TMEM59: variants seen among roughly 807,000 people sequenced by gnomAD.
TMEM59 encodes the protein dendritic cell factor 1.
In TMEM59, 44 loss-of-function variants were observed where a neutral mutation model predicts 42.2. The ratio of observed to expected loss-of-function variants is 1.04; its 90% CI spans 0.82 to 1.34. The LOEUF (loss-of-function observed/expected upper bound fraction) is 1.34. TMEM59 is among the 40% of genes most tolerant of loss of function. The pLI, the probability that TMEM59 is intolerant of heterozygous loss-of-function variation, is 0.00. For missense variants in TMEM59, 359 were observed against 382.8 expected, an observed-to-expected ratio of 0.94 and a Z score of 0.52; for synonymous variants, 148 against 145.8, an observed-to-expected ratio of 1.02 and a Z score of -0.11.
intron 7 of TMEM59, among the ~76,000 whole-genome samples, chr1:54,035,773 C>T (rs1656924734): frequency 6.6e-6 from 1 of 152,044 alleles, no homozygotes. Context: ...CCACCATACC[C>T]AGATAATTTT....
In TMEM59 at chr1:54,028,290, T is replaced by G. The variant is rs927312593; in HGVS notation, c.*3860A>C. ...CGTTATAGAGAAAAGTTTAAAAATA[T>G]AAGTAAAATGAAATAGTATTCTTGG... On this transcript the variant is annotated 3_prime_UTR_variant, in exon 8 of 8. Coordinates refer to ENST00000234831, the MANE Select transcript of TMEM59 (RefSeq NM_004872.5). 1.3e-5 allele frequency: 2 copies of G among 152,186 alleles called. No individual in the cohort carries two copies. Among genetic ancestry groups the G allele is most frequent in the Non-Finnish European group, 2.9e-5 (2 of 68,046 alleles). 9.4% of individuals were successfully genotyped at this position (152,186 alleles called of 1,614,324 possible). A position where few individuals can be genotyped will look rare whatever the true frequency, so the allele number is the denominator to read the frequency against.
Position 54,052,987 on chromosome 1 carries a change from G to A in TMEM59, c.189+13C>T, listed in dbSNP as rs1257187783. 7.5e-6 allele frequency: 12 copies of A among 1,603,180 alleles called. No individual in the cohort carries two copies. Among genetic ancestry groups the A allele is most frequent in the African/African-American group, 1.3e-5 (1 of 74,718 alleles). ...CAAGGGAAGGGTCGCAGCCCGCTCC[G>A]GACGGGCCCTACCTTAGGGTAGGTG... On this transcript the variant is annotated intron_variant, in intron 1 of 7. Transcript: ENST00000234831.
intron 1 of TMEM59, chr1:54,048,700 T>C (rs920545883): frequency 2.0e-5 from 9 of 453,846 alleles, no homozygotes; most frequent in African/African-American, 1.8e-4. Flanking sequence ...GGAAACAGCA[T>C]GTGCATATAC....
chr1:54,042,253 T>C (rs937705200), intron 4 of TMEM59, among the ~76,000 whole-genome samples: 9 of 152,168 alleles, frequency 5.9e-5, no homozygotes, highest in African/African-American at 4.8e-5. Context: ...GAGGAATCCA[T>C]AAATTACAGC....
In TMEM59 at chr1:54,029,058, TG is replaced by T. The variant is rs1656687650; in HGVS notation, c.*3091del. On this transcript the variant is annotated 3_prime_UTR_variant, in exon 8 of 8. Transcript: ENST00000234831. Reference sequence around the variant, plus strand: ...ATCTTTAAAAAACTTGTAACAAAAATGGCTCATTTATCTAAGACAAATCCAG... The same window carrying T: ...ATCTTTAAAAAACTTGTAACAAAAATGCTCATTTATCTAAGACAAATCCAG... 6.6e-6 allele frequency: 1 copy of T among 152,194 alleles called. No individual in the cohort carries two copies. Among genetic ancestry groups the T allele is most frequent in the Non-Finnish European group, 1.5e-5 (1 of 68,032 alleles). 9.4% of individuals were successfully genotyped at this position (152,194 alleles called of 1,614,324 possible).
chr1:54,037,866 A>G (rs941574860), intron 6 of TMEM59, among the ~76,000 whole-genome samples: 3 of 152,206 alleles, frequency 2.0e-5, no homozygotes, highest in African/African-American at 7.2e-5. Context: ...GCCCTAAGTA[A>G]CCTGAGTACT....
chr1:54,052,655 C>A (rs572239931), intron 1 of TMEM59, among the ~76,000 whole-genome samples: 31 of 152,258 alleles, frequency 2.0e-4, no homozygotes, highest in African/African-American at 7.2e-4. Context: ...TCCCCCCTTA[C>A]GCTCCCTTAG....
At chr1:54,039,018 A>G (rs1657049126) in intron 6 of TMEM59, among the ~76,000 whole-genome samples, 1 of 152,018 alleles carries the variant, frequency 6.6e-6, no homozygotes, top group South Asian at 2.1e-4. Context: ...TAATTTTTTT[A>G]TTTTTTGTAG....
chr1:54,031,847 G>A lies in TMEM59; in HGVS notation c.*303C>T, dbSNP rs564718070. On this transcript the variant is annotated 3_prime_UTR_variant, in exon 8 of 8. Coordinates refer to ENST00000234831, the MANE Select transcript of TMEM59 (RefSeq NM_004872.5). ...GTAACTGACAGTATCATGGCAGGAG[G>A]TGAGAAGGAGCAATGATCAGCTCAT... The A allele has an allele frequency of 1.1e-3, 209 of 193,824 alleles. No individual in the cohort carries two copies. Among genetic ancestry groups the A allele is most frequent in the Middle Eastern group, 5.7e-3 (3 of 524 alleles). 12.0% of individuals were successfully genotyped at this position (193,824 alleles called of 1,614,324 possible).
intron 6 of TMEM59, among the ~76,000 whole-genome samples, chr1:54,037,347 C>A (rs1656987206): frequency 6.6e-6 from 1 of 152,102 alleles, no homozygotes; most frequent in South Asian, 2.1e-4. Flanking sequence ...AGACAGAAGG[C>A]CAGTTATGAG....
chr1:54,036,808 C>T, intron 6 of TMEM59, 90 bp from the exon 7 acceptor site: 1 of 762,548 alleles, frequency 1.3e-6, no homozygotes, highest in South Asian at 2.5e-5. Flanking sequence ...CTTAGCTCAA[C>T]AGTACAATTA....
In TMEM59 at chr1:54,026,895, A is replaced by T. The variant is rs555900751; in HGVS notation, c.*5255T>A. 1.3e-5 allele frequency: 2 copies of T among 152,344 alleles called. No individual in the cohort carries two copies. The highest frequency in any genetic ancestry group is 3.9e-4 in the East Asian group (2 of 5,192). The allele number at this position is 152,344 out of a possible 1,614,324, so 9.4% of individuals were successfully genotyped here. A position where few individuals can be genotyped will look rare whatever the true frequency, so the allele number is the denominator to read the frequency against. ...TTACTGTTCTAACACTGCAAAAACC[A>T]TTCAAGCATAAAAAAGCATGCAAGA... On this transcript the variant is annotated 3_prime_UTR_variant, in exon 8 of 8. Transcript: ENST00000234831.
chr1:54,050,589 G>A (rs1295794514), intron 1 of TMEM59, among the ~76,000 whole-genome samples: 4 of 145,604 alleles, frequency 2.7e-5, no homozygotes, highest in Non-Finnish European at 6.0e-5. Context: ...TTGATGCAGA[G>A]TTTCCCTCTT....
chr1:54,045,756 T>C lies in TMEM59; in HGVS notation c.326A>G (p.Glu109Gly). The C allele has an allele frequency of 6.2e-7, 1 of 1,613,990 alleles. No homozygotes were observed. Among genetic ancestry groups the C allele is most frequent in the Non-Finnish European group, 8.5e-7 (1 of 1,179,934 alleles). ...GCAACCAAGATGGCAAGCATATTGC[T>C]CATCAGATTGGGAATATGCTTCTGT... Reference protein sequence around the residue: ...ACTEAYSQSDEQYACHLGCQN... With the variant: ...ACTEAYSQSDGQYACHLGCQN... Residue 109 changes from glutamate to glycine, a missense_variant, in exon 3 of 8, where the codon GAG (glutamate) becomes GGG (glycine). By Grantham distance (98) the Glu-to-Gly change is moderately conservative. Coordinates refer to ENST00000234831, the MANE Select transcript of TMEM59 (RefSeq NM_004872.5).
upstream of TMEM59, chr1:54,053,434 G>C (rs2236512): frequency 0.052 from 27,556 of 530,254 alleles, 2,927 homozygotes; most frequent in East Asian, 0.35. Context: ...CGCGAAGCGG[G>C]GCCTCCTGAC....
At position 54,032,168 on chromosome 1, in the gene TMEM59, A is replaced by T; in HGVS notation, c.954T>A (p.Leu318=). The change falls in exon 8 of 8, where the codon CTT becomes CTA. Residue 318 remains leucine, a synonymous_variant. Transcript: ENST00000234831. ...AAAATGCTTAAATTTCAGAATGAGCAAGATTCACTTTTGTAGGTAGAGGCC... is the reference window on the plus strand; with the variant it reads ...AAAATGCTTAAATTTCAGAATGAGCTAGATTCACTTTTGTAGGTAGAGGCC... ...EAGPLPTKVN[L]AHSEI 6.2e-7 allele frequency: 1 copy of T among 1,609,368 alleles called. No individual in the cohort carries two copies. The highest frequency in any genetic ancestry group is 8.5e-7 in the Non-Finnish European group (1 of 1,178,002).
At chr1:54,044,508 GTTTTTTTTTT>G (rs1194633123) in intron 3 of TMEM59, 1 of 120,056 alleles carries the variant, frequency 8.3e-6, no homozygotes, top group Non-Finnish European at 1.7e-5. Context: ...TTTTTCATCT[GTTTTTTTTTT>G]TTTTTTTTGA....
At chr1:54,035,971 A>G (rs572228967) in intron 7 of TMEM59, among the ~76,000 whole-genome samples, 1 of 152,256 alleles carries the variant, frequency 6.6e-6, no homozygotes, top group South Asian at 2.1e-4. Context: ...ATTAATTTAA[A>G]CTATTAAGTG....
chr1:54,033,723 T>G (rs1053863386), intron 7 of TMEM59: 2 of 151,788 alleles, frequency 1.3e-5, no homozygotes, highest in African/African-American at 4.8e-5. Context: ...GACAACTGAC[T>G]AGATTATAAA....
Sources: allele counts gnomAD v4.1 joint callset (sites outside exome capture counted in the v4.1 genomes callset), GRCh38; gene constraint gnomAD v4.1.1; transcripts MANE v1.5; gene names NCBI Gene and HGNC (gene_info 2026-07-23, HGNC 2026-07-21).